The following ATAD2B variants were observed in gnomAD, a reference collection of about 807,000 sequenced individuals.
ATAD2B encodes ATPase family AAA domain containing 2B.
Under a neutral mutation model 167.6 loss-of-function variants are expected in ATAD2B, and 40 were observed. That is an observed-to-expected ratio of 0.24 (90% confidence interval 0.19 to 0.31). ATAD2B has a LOEUF of 0.31. Ranked by LOEUF, ATAD2B falls within the 10% of genes least tolerant of loss-of-function variation. ATAD2B has a pLI of 1.00. For synonymous variants in ATAD2B, 579 were observed against 596.5 expected, an observed-to-expected ratio of 0.97 and a Z score of 0.43; for missense variants, 1,242 against 1,757.2, an observed-to-expected ratio of 0.71 and a Z score of 5.24.
At chr2:23,839,321 A>G (rs1177103330) in intron 13 of ATAD2B, among the ~76,000 whole-genome samples, 1 of 152,152 alleles carries the variant, frequency 6.6e-6, no homozygotes. Flanking sequence ...TGCTTGTCAT[A>G]TTCCCCATAT....
At chr2:23,746,383 G>A (rs1003803523), downstream of ATAD2B, among the ~76,000 whole-genome samples, 10 of 152,160 alleles carry the variant, frequency 6.6e-5, no homozygotes, top group African/African-American at 2.2e-4. Context: ...AAGATGAAAA[G>A]AATTTGCATT....
intron 22 of ATAD2B, among the ~76,000 whole-genome samples, chr2:23,766,204 G>C (rs1366019957): frequency 6.6e-6 from 1 of 152,062 alleles, no homozygotes; most frequent in Non-Finnish European, 1.5e-5. Context: ...CATAAACATG[G>C]TTCCAGGTAA....
intron 4 of ATAD2B, 37 bp downstream of exon 4, chr2:23,887,795 T>C: frequency 6.7e-7 from 1 of 1,494,128 alleles, no homozygotes; most frequent in Non-Finnish European, 8.9e-7. Flanking sequence ...AAAAACCAAA[T>C]AATTAAATGA....
At chr2:23,922,315 C>T (rs992004813) in intron 1 of ATAD2B, among the ~76,000 whole-genome samples, 4 of 151,952 alleles carry the variant, frequency 2.6e-5, no homozygotes, top group African/African-American at 7.2e-5. Flanking sequence ...AGCAAATAAA[C>T]GCTAATGACT....
intron 17 of ATAD2B, among the ~76,000 whole-genome samples, chr2:23,813,022 A>G (rs1049782101): frequency 6.6e-6 from 1 of 152,160 alleles, no homozygotes; most frequent in Non-Finnish European, 1.5e-5. Flanking sequence ...AAAGTTGTAT[A>G]ACCAGGTGGA....
In ATAD2B at chr2:23,790,117, T is replaced by C. The variant is rs116073656; in HGVS notation, c.2641-1470A>G. Among the ~76,000 whole-genome samples the C allele has an allele frequency of 6.1e-3, 924 of 152,318 alleles. 2 individuals are homozygous for C. The highest frequency in any genetic ancestry group is 9.4e-3 in the Non-Finnish European group (641 of 68,010). On this transcript the variant is annotated intron_variant, in intron 19 of 27. Transcript: ENST00000238789. ...TAATCAATGCTTTGATGGCCTTTCT[T>C]TGAAAGTTCTGGAAGTAAATTTACT...
At chr2:23,696,151 T>TG in the ATAD2B span, 378 of 1,548,276 alleles carry the variant, frequency 2.4e-4, 4 homozygotes, top group South Asian at 4.2e-3. The surrounding 1 kb of genome is among the most constrained non-coding windows in gnomAD (Gnocchi z 5.5). Flanking sequence ...CCCCCGGGGT[T>TG]GGGGCGGGAC....
At chr2:23,779,759 C>A (rs1051702538) in intron 22 of ATAD2B, among the ~76,000 whole-genome samples, 1 of 152,002 alleles carries the variant, frequency 6.6e-6, no homozygotes, top group Non-Finnish European at 1.5e-5. Flanking sequence ...AATTAATAAG[C>A]TTTTCACAAA....
chr2:23,722,819 AAGC>A, the ATAD2B span, among the ~76,000 whole-genome samples: 7 of 152,222 alleles, frequency 4.6e-5, no homozygotes, highest in Admixed American at 2.0e-4. Flanking sequence ...AAGTTTTTAA[AAGC>A]AGCAAGAGAA....
At chr2:23,913,232 T>C (rs1488565341) in intron 1 of ATAD2B, among the ~76,000 whole-genome samples, 1 of 152,166 alleles carries the variant, frequency 6.6e-6, no homozygotes, top group East Asian at 1.9e-4. Context: ...AAAAGAAATA[T>C]ACAAACTATG....
the ATAD2B span, chr2:23,691,879 G>A: frequency 6.5e-7 from 1 of 1,548,078 alleles, no homozygotes; most frequent in Non-Finnish European, 8.7e-7. Flanking sequence ...CTTTCTCGGT[G>A]AGCCCGGGGG....
chr2:23,745,123 C>A (rs966771275), downstream of ATAD2B, among the ~76,000 whole-genome samples: 1 of 151,902 alleles, frequency 6.6e-6, no homozygotes, highest in African/African-American at 2.4e-5. Flanking sequence ...CCCGTCCCTA[C>A]AAAAAGTACA....
At chr2:23,849,736 A>G (rs1253841909) in intron 13 of ATAD2B, among the ~76,000 whole-genome samples, 2 of 151,088 alleles carry the variant, frequency 1.3e-5, no homozygotes, top group Non-Finnish European at 3.0e-5. Context: ...GCTGAGGCAG[A>G]AGAATCACTT....
In ATAD2B at chr2:23,823,330, A is replaced by G; in HGVS notation, c.2059T>C (p.Phe687Leu). The G allele has an allele frequency of 6.2e-7, 1 of 1,613,762 alleles. No homozygotes were observed. Among genetic ancestry groups the G allele is most frequent in the Non-Finnish European group, 8.5e-7 (1 of 1,179,790 alleles). Reference sequence around the variant, plus strand: ...TGCAAGACTGCTAGGATGTTGTTGAAGCTTCTTTCCAGCAGTGGTCTTATG... The same window carrying G: ...TGCAAGACTGCTAGGATGTTGTTGAGGCTTCTTTCCAGCAGTGGTCTTATG... ...PIIRPLLERSFNNILAVLQKV... is the reference protein window; with the variant it reads ...PIIRPLLERSLNNILAVLQKV... The change falls in exon 16 of 28, where the codon TTC becomes CTC. Residue 687 changes from phenylalanine to leucine, a missense_variant. Physicochemically the swap from Phe to Leu is conservative, Grantham distance 22 (BLOSUM62 0). This residue lies in a region of ATAD2B where 145 missense variants were observed against 181.9 expected (regional missense o/e 0.80). Coordinates refer to ENST00000238789, the MANE Select transcript of ATAD2B (RefSeq NM_017552.4).
chr2:23,863,593 T>C (rs1694734080), intron 11 of ATAD2B, 38 bp from the exon 12 acceptor site: 1 of 1,503,934 alleles, frequency 6.6e-7, no homozygotes, highest in Non-Finnish European at 8.9e-7. Context: ...TAAATTATAT[T>C]ATCATCACTG....
chr2:23,811,696 C>T (rs147451438), intron 17 of ATAD2B, among the ~76,000 whole-genome samples: 6 of 151,704 alleles, frequency 4.0e-5, no homozygotes, highest in Non-Finnish European at 2.9e-5. Flanking sequence ...TGTATACCTA[C>T]GTAACAAACC....
At chr2:23,755,420 A>G (rs573169769) in intron 25 of ATAD2B, among the ~76,000 whole-genome samples, 18 of 152,174 alleles carry the variant, frequency 1.2e-4, no homozygotes, top group Non-Finnish European at 2.4e-4. Flanking sequence ...GCCACACTAA[A>G]CAAACAGAAA....
the ATAD2B span, chr2:23,703,831 C>T: frequency 2.0e-6 from 3 of 1,537,398 alleles, no homozygotes; most frequent in African/African-American, 1.4e-5. Flanking sequence ...TTAAGGCGGG[C>T]CCAAACATGA....
intron 25 of ATAD2B, among the ~76,000 whole-genome samples, chr2:23,756,056 C>T (rs930679952): frequency 1.3e-5 from 2 of 152,056 alleles, no homozygotes; most frequent in African/African-American, 4.8e-5. Flanking sequence ...TTTTTCAGCA[C>T]GCTTATGGAA....
Sources: allele counts gnomAD v4.1 joint callset (sites outside exome capture counted in the v4.1 genomes callset), GRCh38; gene constraint gnomAD v4.1.1; regional missense constraint gnomAD v4.1.1; non-coding constraint Gnocchi (gnomAD v3.1); transcripts MANE v1.5; gene names NCBI Gene and HGNC (gene_info 2026-07-23, HGNC 2026-07-21).